The following CCDC146 variants were observed in gnomAD, a reference collection of about 807,000 sequenced individuals.
CCDC146 encodes coiled-coil domain-containing protein 146.
In CCDC146, 92 loss-of-function variants were observed where a neutral mutation model predicts 119.3. The ratio of observed to expected loss-of-function variants is 0.77; its 90% CI spans 0.65 to 0.92. The LOEUF (loss-of-function observed/expected upper bound fraction) is 0.92, where lower values mean the gene tolerates loss of function less well. Among genes scored for constraint, CCDC146 ranks in the 40% least tolerant of loss-of-function variants. The pLI, the probability that CCDC146 is intolerant of heterozygous loss-of-function variation, is 0.00. For missense variants in CCDC146, 1,000 were observed against 1,103.0 expected (o/e 0.91, Z 1.32); for synonymous variants, 372 against 371.8 (o/e 1.00, Z -0.01).
chr7:77,145,396 G>GT (rs919085133), intron 1 of CCDC146, among the ~76,000 whole-genome samples: 6 of 151,624 alleles, frequency 4.0e-5, no homozygotes, highest in African/African-American at 1.5e-4. Flanking sequence ...TTTTTGAAGG[G>GT]TTTTTTGTGT....
At chr7:77,158,579 G>A (rs1332559790) in intron 1 of CCDC146, among the ~76,000 whole-genome samples, 1 of 152,014 alleles carries the variant, frequency 6.6e-6, no homozygotes, top group Non-Finnish European at 1.5e-5. Context: ...GAGTGCAGTG[G>A]CGCTATCTCG....
At chr7:77,129,453 A>ATT (rs1391370774) in intron 1 of CCDC146, among the ~76,000 whole-genome samples, 1 of 152,106 alleles carries the variant, frequency 6.6e-6, no homozygotes, top group African/African-American at 2.4e-5. Context: ...TAATAAGGAA[A>ATT]GAAAAAAACT....
chr7:77,218,220 T>C (rs1407337981), intron 2 of CCDC146, among the ~76,000 whole-genome samples: 8 of 151,950 alleles, frequency 5.3e-5, no homozygotes, highest in Admixed American at 5.2e-4. Context: ...TGTATGTAGG[T>C]ATGTGTGTAT....
intron 2 of CCDC146, chr7:77,199,157 A>G: frequency 1.9e-6 from 3 of 1,589,554 alleles, no homozygotes; most frequent in Non-Finnish European, 2.6e-6. Flanking sequence ...TGAACATATG[A>G]TAAGAAAACA....
At chr7:77,162,544 G>T (rs1791278322) in intron 1 of CCDC146, among the ~76,000 whole-genome samples, 1 of 151,918 alleles carries the variant, frequency 6.6e-6, no homozygotes, top group Admixed American at 6.6e-5. Flanking sequence ...CTATAACTTT[G>T]TGCTACAATT....
Position 77,259,040 on chromosome 7 carries a change from GAGAT to G in CCDC146, c.734_737del (p.Ile245LysfsTer3). On this transcript the variant is annotated frameshift_variant, in exon 7 of 19. Transcript: ENST00000285871. LOFTEE classifies it high-confidence loss of function. ...AACCATTCCAGTACAAATTGGAAAA[GAGAT>G]AGAAAAAATAACACGCAAAAAAGTG... The G allele has an allele frequency of 1.2e-6, 2 of 1,611,484 alleles. No homozygotes were observed. The highest frequency in any genetic ancestry group is 1.7e-6 in the Non-Finnish European group (2 of 1,178,264).
intron 2 of CCDC146, among the ~76,000 whole-genome samples, chr7:77,193,144 A>T (rs745570504): frequency 2.6e-5 from 4 of 152,184 alleles, no homozygotes; most frequent in Non-Finnish European, 5.9e-5. Context: ...CAACACTAAT[A>T]ACGGAAAAAG....
intron 4 of CCDC146, among the ~76,000 whole-genome samples, chr7:77,250,976 TG>T (rs1793048456): frequency 1.6e-4 from 2 of 12,734 alleles, no homozygotes; most frequent in Non-Finnish European, 3.0e-4. Flanking sequence ...CTGGTATTTG[TG>T]TGTGTGTGTG....
intron 2 of CCDC146, among the ~76,000 whole-genome samples, chr7:77,222,523 G>C (rs1562837815): frequency 6.6e-6 from 1 of 152,166 alleles, no homozygotes; most frequent in Non-Finnish European, 1.5e-5. Flanking sequence ...GCACATAAAA[G>C]GGGGCCTGAA....
At chr7:77,236,903 A>G (rs1298066083) in intron 2 of CCDC146, 44 bp from the exon 3 acceptor site, 1 of 1,430,566 alleles carries the variant, frequency 7.0e-7, no homozygotes, top group Non-Finnish European at 9.9e-7. Flanking sequence ...GCTTAAGCCT[A>G]AAGAGAATGG....
chr7:77,282,377 C>T, intron 14 of CCDC146, 180 bp from the exon 15 acceptor site: 1 of 576,400 alleles, frequency 1.7e-6, no homozygotes, highest in Non-Finnish European at 3.1e-6. Flanking sequence ...CCCTCCTATC[C>T]CTAGAGAATT....
intron 2 of CCDC146, among the ~76,000 whole-genome samples, chr7:77,168,046 G>A (rs1254537880): frequency 6.6e-6 from 1 of 152,198 alleles, no homozygotes; most frequent in Non-Finnish European, 1.5e-5. Flanking sequence ...TACTTTCGTA[G>A]CATAAGTATT....
chr7:77,279,047 A>G lies in CCDC146; in HGVS notation c.1640A>G (p.Lys547Arg), dbSNP rs1288654305. The G allele has an allele frequency of 1.2e-6, 2 of 1,608,058 alleles. No individual in the cohort carries two copies. The highest frequency in any genetic ancestry group is 2.7e-5 in the African/African-American group (2 of 74,726). Residue 547 changes from lysine to arginine, a missense_variant, in exon 13 of 19, where the codon AAA (lysine) becomes AGA (arginine). Coordinates refer to ENST00000285871, the MANE Select transcript of CCDC146 (RefSeq NM_020879.3). ...QKVNEIKERH[K>R]MSLNELEILR... ...GTAAATGAAATAAAAGAAAGGCATA[A>G]AATGTCATTAAATGAACTTGAAATT...
chr7:77,201,333 G>C (rs966819299), intron 2 of CCDC146, among the ~76,000 whole-genome samples: 1 of 151,566 alleles, frequency 6.6e-6, no homozygotes, highest in African/African-American at 2.4e-5. Context: ...CCTGAGATCA[G>C]GAGTTTGAGA....
intron 1 of CCDC146, among the ~76,000 whole-genome samples, chr7:77,129,735 C>G (rs1040706680): frequency 4.6e-5 from 7 of 152,078 alleles, no homozygotes; most frequent in African/African-American, 1.7e-4. Flanking sequence ...TAATTTTCTA[C>G]TTAGGAATTT....
intron 1 of CCDC146, among the ~76,000 whole-genome samples, chr7:77,146,561 C>T (rs1194105766): frequency 6.6e-6 from 1 of 152,288 alleles, no homozygotes; most frequent in African/African-American, 2.4e-5. Context: ...TTGTTCCTTT[C>T]CATGTTTAGT....
At chr7:77,235,830 G>A (rs532150456) in intron 2 of CCDC146, among the ~76,000 whole-genome samples, 3 of 152,110 alleles carry the variant, frequency 2.0e-5, no homozygotes, top group Non-Finnish European at 2.9e-5. Context: ...AGCACTTTGC[G>A]AGGCCAAGGT....
chr7:77,244,984 C>G (rs1240638719), intron 4 of CCDC146, among the ~76,000 whole-genome samples: 1 of 152,198 alleles, frequency 6.6e-6, no homozygotes, highest in African/African-American at 2.4e-5. Context: ...CCAATATCTT[C>G]AGGAACTTCT....
chr7:77,235,010 C>T (rs562423189), intron 2 of CCDC146, among the ~76,000 whole-genome samples: 2 of 152,210 alleles, frequency 1.3e-5, no homozygotes, highest in African/African-American at 4.8e-5. Context: ...GGTAGAAAGA[C>T]CACGAAACCC....
Sources: gnomAD v4.1 joint callset for allele counts (sites outside exome capture counted in the v4.1 genomes callset) on GRCh38, gnomAD v4.1.1 for gene constraint, MANE v1.5 for transcripts, NCBI Gene and HGNC (gene_info 2026-07-23, HGNC 2026-07-21) for gene names.